The following C1QTNF3 variants were observed in gnomAD, a reference collection of about 807,000 sequenced individuals.
C1QTNF3 encodes the protein C1q and TNF related 3, also known as complement C1q tumor necrosis factor-related protein 3.
Under a neutral mutation model 32.6 loss-of-function variants are expected in C1QTNF3, and 26 were observed. The observed-to-expected ratio is 0.80, with a 90% CI of 0.58 to 1.11. The LOEUF is 1.11. Among genes scored for constraint, C1QTNF3 ranks in the 50% least tolerant of loss-of-function variants. The probability of loss-of-function intolerance (pLI) is 0.00; values close to 1 mark genes in which losing one functional copy is unlikely to be tolerated. For missense variants in C1QTNF3, 362 were observed against 398.2 expected, an observed-to-expected ratio of 0.91 and a Z score of 0.77; for synonymous variants, 155 against 146.0, an observed-to-expected ratio of 1.06 and a Z score of -0.44.
chr5:34,178,018 G>A, the C1QTNF3 span, among the ~76,000 whole-genome samples: 3 of 148,820 alleles, frequency 2.0e-5, no homozygotes, highest in Non-Finnish European at 4.4e-5. Flanking sequence ...TGTAATTCCA[G>A]CACTTTGGGA....
At chr5:34,213,777 G>GTATATATACATATA in the C1QTNF3 span, among the ~76,000 whole-genome samples, 1 of 26,514 alleles carries the variant, frequency 3.8e-5, no homozygotes, top group African/African-American at 1.1e-4. Flanking sequence ...ACACATACGT[G>GTATATATACATATA]TATATATACA....
At chr5:34,197,489 A>G in the C1QTNF3 span, among the ~76,000 whole-genome samples, 1 of 152,194 alleles carries the variant, frequency 6.6e-6, no homozygotes, top group Non-Finnish European at 1.5e-5. Flanking sequence ...TTGGCATTAG[A>G]TTTTTCTATT....
chr5:34,133,569 T>C, the C1QTNF3 span, among the ~76,000 whole-genome samples: 35 of 152,274 alleles, frequency 2.3e-4, no homozygotes, highest in African/African-American at 6.5e-4. Flanking sequence ...ATATAGAGCA[T>C]TGGATTCCAG....
At chr5:34,228,338 C>T in the C1QTNF3 span, among the ~76,000 whole-genome samples, 1 of 151,492 alleles carries the variant, frequency 6.6e-6, no homozygotes, top group African/African-American at 2.4e-5. Flanking sequence ...ACAAAAGTTA[C>T]TGAAGACTTT....
chr5:34,176,169 C>T, the C1QTNF3 span, among the ~76,000 whole-genome samples: 12,438 of 149,822 alleles, frequency 0.083, 1,280 homozygotes, highest in African/African-American at 0.24. Context: ...AACCAAACAC[C>T]GCATATTCTC....
chr5:34,073,705 C>T, the C1QTNF3 span, among the ~76,000 whole-genome samples: 1 of 152,080 alleles, frequency 6.6e-6, no homozygotes, highest in African/African-American at 2.4e-5. Context: ...ATTTTATTCT[C>T]TAGCTCCCCA....
chr5:34,031,395 A>G (rs183768718), intron 3 of C1QTNF3, among the ~76,000 whole-genome samples: 59 of 152,344 alleles, frequency 3.9e-4, no homozygotes, highest in African/African-American at 1.4e-3. Flanking sequence ...GTGGTTTACC[A>G]TTCATAGGTT....
At chr5:34,144,001 G>T in the C1QTNF3 span, among the ~76,000 whole-genome samples, 1 of 151,944 alleles carries the variant, frequency 6.6e-6, no homozygotes, top group Non-Finnish European at 1.5e-5. Context: ...GGGATAAAAA[G>T]ACAAGAATTA....
chr5:34,109,945 G>T, the C1QTNF3 span, among the ~76,000 whole-genome samples: 1 of 152,270 alleles, frequency 6.6e-6, no homozygotes, highest in African/African-American at 2.4e-5. Context: ...TCCTGACTCA[G>T]AAAGAAAGCC....
chr5:34,089,024 T>C, the C1QTNF3 span, among the ~76,000 whole-genome samples: 1 of 152,138 alleles, frequency 6.6e-6, no homozygotes, highest in East Asian at 1.9e-4. Context: ...CAGAGACAGA[T>C]TAATTTCCAA....
chr5:34,079,808 T>A, the C1QTNF3 span, among the ~76,000 whole-genome samples: 1 of 151,710 alleles, frequency 6.6e-6, no homozygotes, highest in Non-Finnish European at 1.5e-5. Flanking sequence ...AGTCAAAGGG[T>A]ACAAAGTTAT....
the C1QTNF3 span, among the ~76,000 whole-genome samples, chr5:34,146,994 A>G: frequency 6.6e-6 from 1 of 152,228 alleles, no homozygotes; most frequent in Non-Finnish European, 1.5e-5. Context: ...CTCAATAAAT[A>G]GGCAATAGAC....
the C1QTNF3 span, among the ~76,000 whole-genome samples, chr5:34,144,424 A>G: frequency 6.6e-6 from 1 of 152,202 alleles, no homozygotes; most frequent in African/African-American, 2.4e-5. Context: ...CACTAGACCA[A>G]ATGTATCTAA....
At chr5:34,032,141 A>G (rs1301962444) in intron 3 of C1QTNF3, among the ~76,000 whole-genome samples, 4 of 152,252 alleles carry the variant, frequency 2.6e-5, no homozygotes, top group Non-Finnish European at 5.9e-5. Context: ...TTTTTAAAAA[A>G]TGCTAGTTTT....
At chr5:34,028,683 T>A in intron 4 of C1QTNF3, 71 bp downstream of exon 4, 1 of 1,356,252 alleles carries the variant, frequency 7.4e-7, no homozygotes, top group Non-Finnish European at 9.9e-7. Flanking sequence ...CCTCTCTTCT[T>A]TCCTTCCTTC....
At chr5:34,129,137 C>T in the C1QTNF3 span, among the ~76,000 whole-genome samples, 2 of 152,154 alleles carry the variant, frequency 1.3e-5, no homozygotes, top group Non-Finnish European at 2.9e-5. Flanking sequence ...TTCTCTCCTG[C>T]CACCATATAA....
At chr5:34,023,285 C>A (rs1754386684) in intron 5 of C1QTNF3, among the ~76,000 whole-genome samples, 1 of 152,306 alleles carries the variant, frequency 6.6e-6, no homozygotes, top group Non-Finnish European at 1.5e-5. Context: ...GGAACTCTTG[C>A]CCTGGACTGG....
chr5:34,214,317 A>T, the C1QTNF3 span, among the ~76,000 whole-genome samples: 1 of 152,010 alleles, frequency 6.6e-6, no homozygotes, highest in Non-Finnish European at 1.5e-5. Flanking sequence ...AATGCAGCTA[A>T]ATTGTTAACA....
At chr5:34,054,355 C>G in the C1QTNF3 span, among the ~76,000 whole-genome samples, 1 of 152,098 alleles carries the variant, frequency 6.6e-6, no homozygotes, top group African/African-American at 2.4e-5. Context: ...ATCTCAGTTC[C>G]CAGAGATTCA....
Sources: allele counts gnomAD v4.1 joint callset (sites outside exome capture counted in the v4.1 genomes callset), GRCh38; gene constraint gnomAD v4.1.1; transcripts MANE v1.5; gene names NCBI Gene and HGNC (gene_info 2026-07-23, HGNC 2026-07-21).